The following ARID2 variants were observed in gnomAD, a reference collection of about 807,000 sequenced individuals.
ARID2 encodes AT-rich interaction domain 2.
A neutral mutation model predicts 184.6 loss-of-function variants in ARID2; 32 were observed. The ratio of observed to expected loss-of-function variants is 0.17; its 90% CI spans 0.13 to 0.23. The LOEUF is 0.23. Ranked by LOEUF, ARID2 falls within the 10% of genes least tolerant of loss-of-function variation. ARID2 has a pLI of 1.00. For missense variants in ARID2, 1,696 were observed against 2,197.6 expected (o/e 0.77, Z 4.56); for synonymous variants, 836 against 772.6 (o/e 1.08, Z -1.36).
At position 45,762,973 on chromosome 12, in the gene ARID2, C is replaced by G. The variant is rs186009833; in HGVS notation, c.284+31659C>G. ...TAACTGACTTTTAAAGTATTGTGAT[C>G]TATAACAGCTACTATTTATTGGGTG... On this transcript the variant is annotated intron_variant, in intron 3 of 20. Coordinates refer to ENST00000334344, the MANE Select transcript of ARID2 (RefSeq NM_152641.4). Among the ~76,000 whole-genome samples the G allele has an allele frequency of 2.2e-3, 341 of 152,254 alleles. 3 individuals carry two copies. The Middle Eastern group carries it at 0.024, about 11-fold the overall frequency.
rs2138169922 is a variant in ARID2 at position 45,851,309 on chromosome 12, G to A, written c.3186G>A (p.Gln1062=). The A allele has an allele frequency of 1.9e-6, 3 of 1,614,174 alleles. No homozygotes were observed. Among genetic ancestry groups the A allele is most frequent in the Non-Finnish European group, 2.5e-6 (3 of 1,180,028 alleles). The change falls in exon 15 of 21, where the codon CAG becomes CAA. Residue 1062 remains glutamine, a synonymous_variant. Coordinates refer to ENST00000334344, the MANE Select transcript of ARID2 (RefSeq NM_152641.4). The part of the protein sequence containing the change: ...PASGESSLIK[Q]LLLPKRGPST... ...CTGGTGAGTCGAGTCTGATTAAACA[G>A]CTTCTGCTTCCGAAACGTGGTCCTT...
chr12:45,765,726 T>A (rs1941759784), intron 3 of ARID2, among the ~76,000 whole-genome samples: 1 of 152,176 alleles, frequency 6.6e-6, no homozygotes, highest in Non-Finnish European at 1.5e-5. Context: ...GTATAAAGTA[T>A]ACAATTTGGT....
chr12:45,737,358 G>A (rs948807006), intron 3 of ARID2, among the ~76,000 whole-genome samples: 5 of 151,392 alleles, frequency 3.3e-5, no homozygotes, highest in Admixed American at 6.6e-5. Context: ...CTCTCCCCCC[G>A]CCCTTTTTTT....
At chr12:45,771,246 T>C (rs1941869716) in intron 3 of ARID2, among the ~76,000 whole-genome samples, 1 of 151,660 alleles carries the variant, frequency 6.6e-6, no homozygotes, top group Non-Finnish European at 1.5e-5. Flanking sequence ...TGATCCCAAC[T>C]ACTCAGGAGG....
rs145854622 is a variant in ARID2, at chr12:45,851,700, A to C, written c.3577A>C (p.Thr1193Pro). Reference protein sequence around the residue: ...APATVSQGNATQLIAPAGITM... With the variant: ...APATVSQGNAPQLIAPAGITM... ...TGCAACTGTGAGTCAGGGAAATGCA[A>C]CTCAGCTCATTGCTCCAGCAGGAAT... Residue 1193 changes from threonine to proline, a missense_variant, in exon 15 of 21, where the codon ACT (threonine) becomes CCT (proline). By Grantham distance (38) the Thr-to-Pro change is conservative (BLOSUM62 -1). Around this residue, in one of 11 missense-constraint regions of ARID2, gnomAD observed 428 missense variants for 409.1 expected, o/e 1.05. Transcript: ENST00000334344. 1 of 1,614,104 alleles carries C rather than the reference A, an allele frequency of 6.2e-7. No individual in the cohort carries two copies. The highest frequency in any genetic ancestry group is 1.1e-5 in the South Asian group (1 of 91,080).
intron 20 of ARID2, 165 bp downstream of exon 20, chr12:45,893,886 G>T (rs1944335794): frequency 3.9e-6 from 2 of 507,074 alleles, no homozygotes; most frequent in Non-Finnish European, 6.5e-6. Context: ...GCTCTTAAAA[G>T]TCAAAAATAA....
At chr12:45,803,661 T>C (rs1031202020) in intron 3 of ARID2, among the ~76,000 whole-genome samples, 3 of 152,168 alleles carry the variant, frequency 2.0e-5, no homozygotes, top group Non-Finnish European at 4.4e-5. Context: ...TCATATCTTA[T>C]TGCATTTTCA....
At chr12:45,898,608 G>T (rs565968591) in intron 20 of ARID2, among the ~76,000 whole-genome samples, 2 of 152,256 alleles carry the variant, frequency 1.3e-5, no homozygotes, top group Admixed American at 6.5e-5. Flanking sequence ...AAAAACGAGA[G>T]AATTTTTGTT....
intron 3 of ARID2, chr12:45,789,477 G>A (rs1355371883): frequency 6.6e-6 from 1 of 152,138 alleles, no homozygotes; most frequent in African/African-American, 2.4e-5. Flanking sequence ...TTATGGTCTA[G>A]TTTTAGTTAA....
intron 11 of ARID2, among the ~76,000 whole-genome samples, chr12:45,842,390 A>C (rs1045079772): frequency 2.6e-5 from 4 of 151,792 alleles, no homozygotes; most frequent in African/African-American, 9.7e-5. Context: ...ACACACATAC[A>C]TATATTTTAT....
chr12:45,850,098 T>C lies in ARID2; in HGVS notation c.1975T>C (p.Ser659Pro), dbSNP rs993030810. ...HFQRTPVANQ[S>P]SNLTATQMSF... is the part of the protein sequence containing the mutation. Reference sequence around the variant, plus strand: ...TCAGAGGACTCCTGTTGCCAACCAATCTTCAAATCTGACTGCAACACAAAT... The same window carrying C: ...TCAGAGGACTCCTGTTGCCAACCAACCTTCAAATCTGACTGCAACACAAAT... The change falls in exon 15 of 21, where the codon TCT (serine) becomes CCT (proline). Residue 659 changes from serine to proline, a missense_variant. Transcript: ENST00000334344. 35 of 1,613,916 alleles carry C rather than the reference T, an allele frequency of 2.2e-5. No individual in the cohort carries two copies. In the Admixed American group the frequency reaches 5.8e-4, roughly 27 times the overall value.
chr12:45,837,321 C>A lies in ARID2; in HGVS notation c.1024C>A (p.Leu342Ile), dbSNP rs777713882. 1 of 1,598,236 alleles carries A rather than the reference C, an allele frequency of 6.3e-7. No individual in the cohort carries two copies. Among genetic ancestry groups the A allele is most frequent in the South Asian group, 1.1e-5 (1 of 87,116 alleles). The change falls in exon 9 of 21, where the codon CTT (leucine) becomes ATT (isoleucine). Residue 342 changes from leucine to isoleucine, a missense_variant and splice_region_variant. Leu to Ile is a conservative substitution (Grantham distance 5, BLOSUM62 2). Around this residue, in one of 11 missense-constraint regions of ARID2, gnomAD observed 86 missense variants for 200.8 expected, o/e 0.43. Coordinates refer to ENST00000334344, the MANE Select transcript of ARID2 (RefSeq NM_152641.4). Reference protein sequence around the residue: ...LDTLGNIAAELLLDPVDFKTT... With the variant: ...LDTLGNIAAEILLDPVDFKTT... The stretch of plus-strand genomic sequence containing the variant: ...ATAATAGTGTTGTTTCTTTTTCCAG[C>A]TTTTACTGGACCCTGTTGATTTCAA...
At chr12:45,862,351 A>T (rs1181070552) in intron 16 of ARID2, among the ~76,000 whole-genome samples, 1 of 152,188 alleles carries the variant, frequency 6.6e-6, no homozygotes, top group African/African-American at 2.4e-5. Flanking sequence ...TCCTTCATTC[A>T]TTGAAGGATT....
chr12:45,837,729 C>T (rs2138133148), intron 10 of ARID2, 22 bp downstream of exon 10: 1 of 1,600,274 alleles, frequency 6.2e-7, no homozygotes, highest in Non-Finnish European at 8.6e-7. Flanking sequence ...CCAAAAAACA[C>T]TTATTTTCTT....
chr12:45,902,632 A>G (rs1180555984), intron 20 of ARID2, among the ~76,000 whole-genome samples: 3 of 151,662 alleles, frequency 2.0e-5, no homozygotes, highest in South Asian at 2.1e-4. Context: ...CCTGGGTTCA[A>G]GCGATTCTCC....
At chr12:45,863,914 A>G (rs150470190) in intron 16 of ARID2, among the ~76,000 whole-genome samples, 12 of 138,454 alleles carry the variant, frequency 8.7e-5, no homozygotes, top group East Asian at 8.3e-4. Flanking sequence ...CAGTGGTGCT[A>G]TCTTGATCTT....
chr12:45,812,239 A>G (rs1942723418), intron 4 of ARID2, among the ~76,000 whole-genome samples: 1 of 151,278 alleles, frequency 6.6e-6, no homozygotes, highest in Admixed American at 6.6e-5. Context: ...TTTTCAAGCT[A>G]TGTTCTTTAT....
intron 3 of ARID2, among the ~76,000 whole-genome samples, chr12:45,794,162 C>T (rs943492075): frequency 1.3e-5 from 2 of 152,190 alleles, no homozygotes; most frequent in Admixed American, 1.3e-4. Flanking sequence ...TCATCTTCCA[C>T]CCATACACTT....
chr12:45,876,816 G>A (rs557248083), intron 16 of ARID2, among the ~76,000 whole-genome samples: 10 of 151,010 alleles, frequency 6.6e-5, no homozygotes, highest in East Asian at 2.0e-4. Context: ...AAGGCCGGGC[G>A]TGGTGGCTCA....
Sources: gnomAD v4.1 joint callset for allele counts (sites outside exome capture counted in the v4.1 genomes callset) on GRCh38, gnomAD v4.1.1 for gene constraint, gnomAD v4.1.1 regional missense constraint, MANE v1.5 for transcripts, NCBI Gene and HGNC (gene_info 2026-07-23, HGNC 2026-07-21) for gene names.